ITPR1: variants seen among roughly 807,000 people sequenced by gnomAD.
ITPR1 encodes the protein inositol 1,4,5-trisphosphate receptor type 1.
A neutral mutation model predicts 318.4 loss-of-function variants in ITPR1; 96 were observed. That is an observed-to-expected ratio of 0.30 (90% CI 0.26 to 0.36). The LOEUF is 0.36. Ranked by LOEUF, ITPR1 falls within the 10% of genes least tolerant of loss-of-function variation. The pLI is 1.00. For missense variants in ITPR1, 2,440 were observed against 3,460.2 expected (o/e 0.71, Z 7.40); for synonymous variants, 1,312 against 1,289.9 (o/e 1.02, Z -0.37).
At chr3:4,787,732 ATAAAGT>A (rs2047296078) in intron 51 of ITPR1, among the ~76,000 whole-genome samples, 1 of 152,058 alleles carries the variant, frequency 6.6e-6, no homozygotes, top group African/African-American at 2.4e-5. Flanking sequence ...AAATAAATAA[ATAAAGT>A]TAATGGATCT....
chr3:4,550,843 G>A (rs1006904016), intron 4 of ITPR1, among the ~76,000 whole-genome samples: 2 of 152,004 alleles, frequency 1.3e-5, no homozygotes, highest in East Asian at 1.9e-4. Flanking sequence ...CTATGATCAT[G>A]CTACTGTACT....
intron 4 of ITPR1, among the ~76,000 whole-genome samples, chr3:4,565,246 G>A (rs185575146): frequency 3.3e-5 from 5 of 152,224 alleles, no homozygotes; most frequent in African/African-American, 1.2e-4. Flanking sequence ...GCTCATCACC[G>A]CAGCCCTAGT....
At position 4,639,448 on chromosome 3, in the gene ITPR1, TC is replaced by T; in HGVS notation, c.346del (p.Gln116SerfsTer5). On this transcript the variant is annotated frameshift_variant, in exon 6 of 62. Coordinates refer to ENST00000649015, the MANE Select transcript of ITPR1 (RefSeq NM_001378452.1). LOFTEE classifies it high-confidence loss of function. ...AACAGGAAATTGCTGGGGACCGTAATCCAGTATGGCAATGTGATCCAGGTAG... is the reference window on the plus strand; with the variant it reads ...AACAGGAAATTGCTGGGGACCGTAATCAGTATGGCAATGTGATCCAGGTAG... ...TENRKLLGTV[I>X]QYGNVIQLLH... 1 of 1,582,144 alleles carries T rather than the reference TC, an allele frequency of 6.3e-7. No homozygotes were observed. Among genetic ancestry groups the T allele is most frequent in the Non-Finnish European group, 8.6e-7 (1 of 1,163,608 alleles).
rs760627708 is a variant in ITPR1 at position 4,711,851 on chromosome 3, A to G, written c.5086A>G (p.Arg1696Gly). The change falls in exon 39 of 62, where the codon AGA (arginine) becomes GGA (glycine). Residue 1696 changes from arginine to glycine, a missense_variant. This residue lies in a region of ITPR1 where 166 missense variants were observed against 143.7 expected (regional missense o/e 1.16). Coordinates refer to ENST00000649015, the MANE Select transcript of ITPR1 (RefSeq NM_001378452.1). ...QTLREMMTKD[R>G]GYGEKLISID... Reference sequence around the variant, plus strand: ...CCTGAGGGAAATGATGACCAAAGATAGAGGCTATGGAGAAAAGGTACTGCA... The same window carrying G: ...CCTGAGGGAAATGATGACCAAAGATGGAGGCTATGGAGAAAAGGTACTGCA... 1 of 1,515,906 alleles carries G rather than the reference A, an allele frequency of 6.6e-7. No homozygotes were observed. Among genetic ancestry groups the G allele is most frequent in the South Asian group, 1.2e-5 (1 of 80,938 alleles). The allele number at this position is 1,515,906 out of a possible 1,614,324, so 93.9% of individuals were successfully genotyped here.
rs578047717 is a variant in ITPR1, at chr3:4,644,865, G to A, written c.625-522G>A. On this transcript the variant is annotated intron_variant, in intron 8 of 61. Transcript: ENST00000649015. ...GTTTCCTTATCTCTGAAATGGGGGCGGCGGTCGGACCTATTTTTCAGGGTG... is the reference window on the plus strand; with the variant it reads ...GTTTCCTTATCTCTGAAATGGGGGCAGCGGTCGGACCTATTTTTCAGGGTG... Among the ~76,000 whole-genome samples, 7 of 152,282 alleles carry A rather than the reference G, an allele frequency of 4.6e-5. 1 individual carries two copies. Among genetic ancestry groups the A allele is most frequent in the East Asian group, 1.9e-4 (1 of 5,162 alleles).
chr3:4,652,358 T>A, intron 11 of ITPR1, 140 bp downstream of exon 11: 1 of 660,550 alleles, frequency 1.5e-6, no homozygotes, highest in Non-Finnish European at 2.6e-6. Context: ...TTTTTCTGTT[T>A]CCTTCTGATT....
rs1393570260 is a variant in ITPR1, at chr3:4,530,737, C to T, written c.163+9643C>T. ...TTGAGGCCGCAGTGAGCCATGTTTGCACCACTGCACTCCAGCCTGGGCAAC... is the reference window on the plus strand; with the variant it reads ...TTGAGGCCGCAGTGAGCCATGTTTGTACCACTGCACTCCAGCCTGGGCAAC... On this transcript the variant is annotated intron_variant, in intron 4 of 61. Transcript: ENST00000649015. Among the ~76,000 whole-genome samples the T allele has an allele frequency of 3.3e-5, 5 of 151,978 alleles. No individual in the cohort carries two copies. The East Asian group carries it at 9.7e-4, about 29-fold the overall frequency.
chr3:4,694,685 G>T (rs2094530809), intron 33 of ITPR1, among the ~76,000 whole-genome samples: 1 of 152,118 alleles, frequency 6.6e-6, no homozygotes, highest in Non-Finnish European at 1.5e-5. Context: ...TAACACAATT[G>T]TATTTGTGTA....
intron 51 of ITPR1, among the ~76,000 whole-genome samples, chr3:4,787,337 CAAAAAAAAAAAAA>C (rs71053443): frequency 1.9e-5 from 1 of 51,346 alleles, no homozygotes; most frequent in Non-Finnish European, 3.2e-5. Flanking sequence ...GACTCCATCT[CAAAAAAAAAAAAA>C]AAAAAAAAAA....
intron 4 of ITPR1, among the ~76,000 whole-genome samples, chr3:4,572,426 T>C (rs73102466): frequency 0.032 from 4,920 of 152,140 alleles, 270 homozygotes; most frequent in African/African-American, 0.11. Flanking sequence ...ATAGTTCTAA[T>C]ATAGTATATA....
At chr3:4,543,261 C>CAA (rs879593198) in intron 4 of ITPR1, among the ~76,000 whole-genome samples, 55 of 119,008 alleles carry the variant, frequency 4.6e-4, no homozygotes, top group African/African-American at 1.1e-3. Context: ...GAGCCTGTCT[C>CAA]AAAAAAAAAA....
chr3:4,833,027 T>C (rs558150977), intron 60 of ITPR1, among the ~76,000 whole-genome samples: 2 of 152,350 alleles, frequency 1.3e-5, no homozygotes, highest in Non-Finnish European at 2.9e-5. Flanking sequence ...GTGACCACAG[T>C]TCTTGGACTA....
intron 4 of ITPR1, among the ~76,000 whole-genome samples, chr3:4,571,582 C>T (rs1255395048): frequency 2.6e-5 from 4 of 152,174 alleles, no homozygotes; most frequent in African/African-American, 9.7e-5. Context: ...AATCCTCCTG[C>T]CTGGGCCTCC....
chr3:4,655,257 G>A (rs979495988), intron 12 of ITPR1, among the ~76,000 whole-genome samples: 2 of 152,136 alleles, frequency 1.3e-5, no homozygotes, highest in African/African-American at 4.8e-5. Flanking sequence ...TGGTGACATG[G>A]AGGAAATCTT....
intron 4 of ITPR1, among the ~76,000 whole-genome samples, chr3:4,603,178 A>T (rs1251136539): frequency 6.9e-6 from 1 of 143,972 alleles, no homozygotes; most frequent in Non-Finnish European, 1.5e-5. Context: ...GATGACAGGC[A>T]TTTTTTATTT....
chr3:4,775,457 G>C lies in ITPR1; in HGVS notation c.6180+15G>C. On this transcript the variant is annotated intron_variant, in intron 47 of 61. Coordinates refer to ENST00000649015, the MANE Select transcript of ITPR1 (RefSeq NM_001378452.1). ...ATGAGAACCAGGTAATTAAATTTCT[G>C]TTTTGGGATGGGGAAAAAAAGTGTC... 6.3e-7 allele frequency: 1 copy of C among 1,593,622 alleles called. No individual in the cohort carries two copies. The highest frequency in any genetic ancestry group is 8.6e-7 in the Non-Finnish European group (1 of 1,165,176).
chr3:4,758,001 A>G (rs2045139854), intron 44 of ITPR1, among the ~76,000 whole-genome samples: 1 of 152,212 alleles, frequency 6.6e-6, no homozygotes, highest in Non-Finnish European at 1.5e-5. Flanking sequence ...TGAAAAGAGA[A>G]AAATCAAAGA....
intron 58 of ITPR1, 166 bp downstream of exon 58, chr3:4,814,728 G>A (rs998222654): frequency 1.3e-4 from 86 of 685,740 alleles, no homozygotes; most frequent in African/African-American, 1.0e-3. Context: ...TCTCTATCAC[G>A]TGAGGTGGTG....
Position 4,732,110 on chromosome 3 carries a change from G to A in ITPR1, c.5221-978G>A, listed in dbSNP as rs899210450. ...CTTCAGATTAGGAGGTGGTCTTGGG[G>A]CCCCTTAGGAGTGCGGGTGAAAGTG... On this transcript the variant is annotated intron_variant, in intron 42 of 61. Coordinates refer to ENST00000649015, the MANE Select transcript of ITPR1 (RefSeq NM_001378452.1). Among the ~76,000 whole-genome samples the A allele has an allele frequency of 2.0e-5, 3 of 152,146 alleles. No individual in the cohort carries two copies. In the East Asian group the frequency reaches 5.8e-4, roughly 29 times the overall value.
Sources: allele counts gnomAD v4.1 joint callset (sites outside exome capture counted in the v4.1 genomes callset), GRCh38; gene constraint gnomAD v4.1.1; regional missense constraint gnomAD v4.1.1; transcripts MANE v1.5; gene names NCBI Gene and HGNC (gene_info 2026-07-23, HGNC 2026-07-21).